The following MYO3B variants were observed in gnomAD, a reference collection of about 807,000 sequenced individuals.
MYO3B encodes myosin-IIIb.
MYO3B carries 156 observed loss-of-function variants against 174.6 expected under a neutral mutation model. That is an observed-to-expected ratio of 0.89 (90% CI 0.78 to 1.02). The LOEUF (loss-of-function observed/expected upper bound fraction) is 1.02, where lower values mean the gene tolerates loss of function less well. MYO3B is among the 50% of genes least tolerant of loss of function. The pLI is 0.00. For missense variants in MYO3B, 1,632 were observed against 1,639.4 expected, an observed-to-expected ratio of 1.00 and a Z score of 0.08; for synonymous variants, 563 against 569.1, an observed-to-expected ratio of 0.99 and a Z score of 0.15.
chr2:170,327,880 ATATATAG>A (rs1411408131), intron 7 of MYO3B, among the ~76,000 whole-genome samples: 2 of 100,324 alleles, frequency 2.0e-5, no homozygotes, highest in African/African-American at 5.9e-5. Context: ...TATATACACT[ATATATAG>A]TATATATATA....
chr2:170,386,294 G>A (rs112673116), intron 13 of MYO3B, 22 bp downstream of exon 13: 32,518 of 1,598,428 alleles, frequency 0.02, 426 homozygotes, highest in Non-Finnish European at 0.024. Context: ...TCTGCTTTAC[G>A]TATTGTGGCG....
Position 170,413,677 on chromosome 2 carries a change from G to T in MYO3B, c.2650+5833G>T, listed in dbSNP as rs2094559946. Among the ~76,000 whole-genome samples, 3 of 151,386 alleles carry T rather than the reference G, an allele frequency of 2.0e-5. No homozygotes were observed. The Admixed American group carries it at 2.0e-4, about 10-fold the overall frequency. On this transcript the variant is annotated intron_variant, in intron 22 of 34. Transcript: ENST00000408978. Reference sequence around the variant, plus strand: ...GTTTGAGTAAATTTCTGTATAAAATGTAAGGTTAAGATGTTTTGGTTTTTT... The same window carrying T: ...GTTTGAGTAAATTTCTGTATAAAATTTAAGGTTAAGATGTTTTGGTTTTTT...
At chr2:170,213,368 G>T (rs1033549643) in intron 3 of MYO3B, among the ~76,000 whole-genome samples, 1 of 152,138 alleles carries the variant, frequency 6.6e-6, no homozygotes. Context: ...GACCAAGCAG[G>T]GGGTACGTGA....
intron 32 of MYO3B, among the ~76,000 whole-genome samples, chr2:170,596,954 T>C (rs1274407297): frequency 1.3e-5 from 2 of 152,204 alleles, no homozygotes; most frequent in Admixed American, 1.3e-4. Flanking sequence ...TACACATTTT[T>C]CTGCTTAGGC....
intron 32 of MYO3B, among the ~76,000 whole-genome samples, chr2:170,638,122 C>CA (rs1697677628): frequency 6.6e-6 from 1 of 151,584 alleles, no homozygotes; most frequent in Non-Finnish European, 1.5e-5. Flanking sequence ...CACACACACA[C>CA]ACCTGCCAGA....
intron 25 of MYO3B, among the ~76,000 whole-genome samples, chr2:170,469,856 AC>A (rs1411404715): frequency 6.6e-6 from 1 of 152,082 alleles, no homozygotes; most frequent in East Asian, 1.9e-4. Flanking sequence ...TAATCCCAGC[AC>A]TTTGGGAGGC....
At chr2:170,436,451 C>A (rs1394920117) in intron 22 of MYO3B, among the ~76,000 whole-genome samples, 1 of 152,174 alleles carries the variant, frequency 6.6e-6, no homozygotes, top group Non-Finnish European at 1.5e-5. Flanking sequence ...GCTCCTGCCA[C>A]CCCTGGATTA....
chr2:170,297,861 G>A (rs905116997), intron 7 of MYO3B, among the ~76,000 whole-genome samples: 4 of 152,118 alleles, frequency 2.6e-5, no homozygotes, highest in Non-Finnish European at 4.4e-5. Context: ...CGATACTATA[G>A]GAATAGCTGC....
intron 23 of MYO3B, among the ~76,000 whole-genome samples, chr2:170,448,657 C>G (rs1318884270): frequency 6.6e-6 from 1 of 152,130 alleles, no homozygotes; most frequent in Non-Finnish European, 1.5e-5. Context: ...ATAAGCAGTG[C>G]AATTCCAAGT....
Position 170,649,330 on chromosome 2 carries a change from T to TATATTATATATAAAATAATATATA in MYO3B, c.3734-2294_3734-2293insTATATATAAAATAATATATAATAT, listed in dbSNP as rs1559202387. Among the ~76,000 whole-genome samples, 8 of 90,036 alleles carry TATATTATATATAAAATAATATATA rather than the reference T, an allele frequency of 8.9e-5. 1 individual carries two copies. The highest frequency in any genetic ancestry group is 3.7e-4 in the African/African-American group (7 of 18,874). 59.1% of individuals were successfully genotyped at this position (90,036 alleles called of 152,430 possible). A position where few individuals can be genotyped will look rare whatever the true frequency, so the allele number is the denominator to read the frequency against. ...ATATATTATATATAAAATAATATAA[T>TATATTATATATAAAATAATATATA]ATATATTATATATAAAATAATATAT... is the stretch of plus-strand genomic sequence containing the variant. On this transcript the variant is annotated intron_variant, in intron 32 of 34. Coordinates refer to ENST00000408978, the MANE Select transcript of MYO3B (RefSeq NM_138995.5).
chr2:170,414,337 A>G lies in MYO3B; in HGVS notation c.2650+6493A>G, dbSNP rs186383035. On this transcript the variant is annotated intron_variant, in intron 22 of 34. Transcript: ENST00000408978. ...TGAGTAGCTGGAATTACAGGCCCCC[A>G]CTACCACGCCTGGCTAATTTTTTGC... 2.7e-3 allele frequency among the ~76,000 whole-genome samples: 409 copies of G among 152,040 alleles called. 1 individual carries two copies. Among genetic ancestry groups the G allele is most frequent in the Middle Eastern group, 0.017 (5 of 294 alleles).
intron 22 of MYO3B, among the ~76,000 whole-genome samples, chr2:170,415,797 C>T (rs2094575143): frequency 6.6e-6 from 1 of 152,292 alleles, no homozygotes; most frequent in Middle Eastern, 3.4e-3. Flanking sequence ...CTTACCTCCA[C>T]AAAGATTTTG....
At chr2:170,481,331 G>A (rs936473992) in intron 25 of MYO3B, among the ~76,000 whole-genome samples, 1 of 152,144 alleles carries the variant, frequency 6.6e-6, no homozygotes, top group South Asian at 2.1e-4. Context: ...AGTGGCTCGC[G>A]CCTGTAACCC....
chr2:170,606,864 T>C (rs931788801), intron 32 of MYO3B, among the ~76,000 whole-genome samples: 5 of 151,498 alleles, frequency 3.3e-5, no homozygotes, highest in Admixed American at 1.3e-4. Context: ...CGACAGAAAA[T>C]ACAAAATTAG....
intron 22 of MYO3B, among the ~76,000 whole-genome samples, chr2:170,419,722 G>C (rs2094603234): frequency 6.6e-6 from 1 of 152,020 alleles, no homozygotes; most frequent in Non-Finnish European, 1.5e-5. Context: ...GAGAAGGAGA[G>C]CTCTGCCCCT....
chr2:170,337,190 T>C (rs887068724), intron 8 of MYO3B, among the ~76,000 whole-genome samples: 3 of 151,580 alleles, frequency 2.0e-5, no homozygotes, highest in African/African-American at 7.3e-5. Context: ...AAAGAGTAGG[T>C]GGAGGGAACT....
intron 32 of MYO3B, among the ~76,000 whole-genome samples, chr2:170,567,849 A>G (rs189632586): frequency 6.6e-6 from 1 of 152,368 alleles, no homozygotes; most frequent in Admixed American, 6.5e-5. Context: ...GTGAAAAGCC[A>G]TGCACATTTT....
chr2:170,373,594 G>C (rs2094264439), intron 9 of MYO3B, among the ~76,000 whole-genome samples: 1 of 152,138 alleles, frequency 6.6e-6, no homozygotes, highest in Non-Finnish European at 1.5e-5. Context: ...TAAAGGATGG[G>C]GGAACACTTG....
intron 7 of MYO3B, among the ~76,000 whole-genome samples, chr2:170,272,082 C>CTTTTTT (rs202163461): frequency 6.8e-6 from 1 of 147,242 alleles, no homozygotes; most frequent in East Asian, 2.0e-4. Flanking sequence ...AGAAGGGAAA[C>CTTTTTT]TTTTTTTTTT....
Sources: allele counts gnomAD v4.1 joint callset (sites outside exome capture counted in the v4.1 genomes callset), GRCh38; gene constraint gnomAD v4.1.1; transcripts MANE v1.5; gene names NCBI Gene and HGNC (gene_info 2026-07-23, HGNC 2026-07-21).